Variants in PFKFB3 observed in about 807,000 individuals in gnomAD.
The protein encoded by PFKFB3 is 6-phosphofructo-2-kinase/fructose-2,6-bisphosphatase 3.
Under a neutral mutation model 68.0 loss-of-function variants are expected in PFKFB3, and 33 were observed. The ratio of observed to expected loss-of-function variants is 0.49; its 90% CI spans 0.37 to 0.65. The LOEUF is 0.65. PFKFB3 is among the 30% of genes least tolerant of loss of function. The pLI is 0.00. For synonymous variants in PFKFB3, 315 were observed against 288.2 expected, an observed-to-expected ratio of 1.09 and a Z score of -0.94; for missense variants, 586 against 712.2, an observed-to-expected ratio of 0.82 and a Z score of 2.02.
rs965662719 is a variant in PFKFB3 at position 6,235,364 on chromosome 10, T to C, written c.*2422T>C. On this transcript the variant is annotated 3_prime_UTR_variant, in exon 15 of 15. Transcript: ENST00000379775. ...GTAGAGATTGGGTTTCATTGTTAATTGGTTTGGGAGCCTCCTATGTGTGAC... is the reference window on the plus strand; with the variant it reads ...GTAGAGATTGGGTTTCATTGTTAATCGGTTTGGGAGCCTCCTATGTGTGAC... 6 of 152,434 alleles carry C rather than the reference T, an allele frequency of 3.9e-5. No individual in the cohort carries two copies. Among genetic ancestry groups the C allele is most frequent in the Admixed American group, 2.0e-4 (3 of 15,282 alleles). 9.4% of individuals were successfully genotyped at this position (152,434 alleles called of 1,614,324 possible). A position where few individuals can be genotyped will look rare whatever the true frequency, so the allele number is the denominator to read the frequency against.
chr10:6,295,192 T>G, the PFKFB3 span, among the ~76,000 whole-genome samples: 1 of 152,152 alleles, frequency 6.6e-6, no homozygotes, highest in African/African-American at 2.4e-5. Context: ...TAGAGACTCC[T>G]TGAATAGGGT....
At chr10:6,252,153 CTT>C (rs1846396503) in intron 14 of PFKFB3, among the ~76,000 whole-genome samples, 1 of 152,180 alleles carries the variant, frequency 6.6e-6, no homozygotes, top group Non-Finnish European at 1.5e-5. Flanking sequence ...AAGTAAAACT[CTT>C]TGGCTTAAAT....
chr10:6,222,619 C>T (rs1029137546), intron 10 of PFKFB3: 1 of 350,228 alleles, frequency 2.9e-6, no homozygotes, highest in African/African-American at 2.2e-5. Flanking sequence ...GCGCCCAGTT[C>T]TTTCACACAG....
At chr10:6,206,575 C>CGGGGGGCTG (rs1491105357) in intron 1 of PFKFB3, among the ~76,000 whole-genome samples, 1 of 51,108 alleles carries the variant, frequency 2.0e-5, no homozygotes, top group African/African-American at 7.7e-5. Context: ...GCTGGCCGGG[C>CGGGGGGCTG]AGGGGCTGAC....
At chr10:6,231,270 G>A in intron 14 of PFKFB3, 1 of 1,607,956 alleles carries the variant, frequency 6.2e-7, no homozygotes, top group African/African-American at 1.3e-5. Context: ...AAGACGAACT[G>A]TCTGTCACAT....
chr10:6,266,005 C>T, the PFKFB3 span, among the ~76,000 whole-genome samples: 28 of 151,714 alleles, frequency 1.8e-4, no homozygotes, highest in Admixed American at 1.1e-3. Context: ...TGACCTCCTG[C>T]GCTCAAGGAA....
the PFKFB3 span, among the ~76,000 whole-genome samples, chr10:6,311,392 T>C: frequency 0.7 from 106,050 of 151,924 alleles, 38,822 homozygotes; most frequent in Non-Finnish European, 0.82. Flanking sequence ...AATTCCTCCT[T>C]TTCTGGCAGA....
At chr10:6,180,333 T>C (rs7097216) in intron 1 of PFKFB3, among the ~76,000 whole-genome samples, 5 of 152,148 alleles carry the variant, frequency 3.3e-5, no homozygotes, top group African/African-American at 1.2e-4. Flanking sequence ...TTTCCTAACA[T>C]TAACAACAGG....
chr10:6,290,790 C>T, the PFKFB3 span, among the ~76,000 whole-genome samples: 1 of 152,148 alleles, frequency 6.6e-6, no homozygotes, highest in African/African-American at 2.4e-5. Flanking sequence ...AGGCATAAGC[C>T]ACCACGCCTG....
chr10:6,232,446 G>T (rs1845805787), intron 14 of PFKFB3, among the ~76,000 whole-genome samples: 1 of 152,000 alleles, frequency 6.6e-6, no homozygotes, highest in African/African-American at 2.4e-5. Flanking sequence ...CCCAGAATCT[G>T]GATGCAGGAG....
In PFKFB3 at chr10:6,163,888, C is replaced by A. The variant is rs551210834; in HGVS notation, c.16+18875C>A. 2.2e-4 allele frequency: 34 copies of A among 152,372 alleles called. 1 individual carries two copies. In the East Asian group the frequency reaches 6.6e-3, roughly 29 times the overall value. 9.4% of individuals were successfully genotyped at this position (152,372 alleles called of 1,614,324 possible). A position where few individuals can be genotyped will look rare whatever the true frequency, so the allele number is the denominator to read the frequency against. Reference sequence around the variant, plus strand: ...GCGACTGTCCGGCTCGTGAGCTCCGCGTGGATCCGGCGCTGGGCCCCCTAC... The same window carrying A: ...GCGACTGTCCGGCTCGTGAGCTCCGAGTGGATCCGGCGCTGGGCCCCCTAC... On this transcript the variant is annotated intron_variant, in intron 1 of 14. Transcript: ENST00000379789.
At chr10:6,216,086 A>C in intron 3 of PFKFB3, 39 bp from the exon 4 acceptor site, 15 of 1,594,042 alleles carry the variant, frequency 9.4e-6, no homozygotes, top group Non-Finnish European at 1.3e-5. Context: ...CAGCGGATGC[A>C]CCGGCGCTGA....
intron 14 of PFKFB3, among the ~76,000 whole-genome samples, chr10:6,227,404 C>T (rs886827023): frequency 1.3e-5 from 2 of 152,200 alleles, no homozygotes; most frequent in African/African-American, 4.8e-5. Context: ...TCTGAGCATC[C>T]TTTTCAGCCT....
intron 1 of PFKFB3, chr10:6,149,509 C>G (rs1246421488): frequency 6.6e-6 from 1 of 151,018 alleles, no homozygotes. Context: ...ATCACTTGAA[C>G]CCAGGAGGCA....
intron 1 of PFKFB3, among the ~76,000 whole-genome samples, chr10:6,153,034 T>C (rs371943335): frequency 2.5e-4 from 38 of 151,830 alleles, no homozygotes; most frequent in African/African-American, 9.2e-4. Flanking sequence ...ACAAAAAAAT[T>C]AGCTGTGCAT....
intron 1 of PFKFB3, among the ~76,000 whole-genome samples, chr10:6,145,315 G>T (rs1302593256): frequency 1.3e-5 from 2 of 151,760 alleles, no homozygotes; most frequent in East Asian, 3.9e-4. Context: ...CTCCTTTCCG[G>T]CCCCGCGTCT....
the PFKFB3 span, among the ~76,000 whole-genome samples, chr10:6,285,154 A>C: frequency 6.6e-6 from 1 of 152,128 alleles, no homozygotes; most frequent in Non-Finnish European, 1.5e-5. Context: ...GTTTTGAGGA[A>C]ATGCCAAACT....
intron 1 of PFKFB3, among the ~76,000 whole-genome samples, chr10:6,167,983 C>A (rs643503): frequency 0.21 from 31,547 of 152,186 alleles, 3,663 homozygotes; most frequent in East Asian, 0.27. Flanking sequence ...ACATCCTCAG[C>A]TTCTTCATCT....
At position 6,215,598 on chromosome 10, in the gene PFKFB3, T is replaced by G. The variant is rs1844521884; in HGVS notation, c.299+281T>G. Among the ~76,000 whole-genome samples, 1 of 152,264 alleles carries G rather than the reference T, an allele frequency of 6.6e-6. No individual in the cohort carries two copies. The highest frequency in any genetic ancestry group is 2.1e-4 in the South Asian group (1 of 4,816). On this transcript the variant is annotated intron_variant, in intron 3 of 14. Transcript: ENST00000379775. This position sits in a 1 kb window ranked among gnomAD's most constrained non-coding sequence, Gnocchi z 4.3. ...GGAACAAGGTTGCTGCTCTCATCTG[T>G]CCCCTGAGGGTCTCGCTGAGCTGAC...
Sources: gnomAD v4.1 joint callset for allele counts (sites outside exome capture counted in the v4.1 genomes callset) on GRCh38, gnomAD v4.1.1 for gene constraint, Gnocchi (gnomAD v3.1) non-coding constraint, MANE v1.5 for transcripts, NCBI Gene and HGNC (gene_info 2026-07-23, HGNC 2026-07-21) for gene names.